PLA2G6: variants seen among roughly 807,000 people sequenced by gnomAD.
PLA2G6 encodes phospholipase A2 group VI.
In PLA2G6, 62 loss-of-function variants were observed where a neutral mutation model predicts 83.8. The observed-to-expected ratio is 0.74, with a 90% CI of 0.60 to 0.91. PLA2G6 has a LOEUF of 0.91. Ranked by LOEUF, PLA2G6 falls within the 40% of genes least tolerant of loss-of-function variation. The pLI is 0.00. For synonymous variants in PLA2G6, 417 were observed against 449.8 expected (o/e 0.93, Z 0.92); for missense variants, 944 against 1,102.0 (o/e 0.86, Z 2.03).
chr22:38,158,887 A>C (rs950071391), intron 2 of PLA2G6, among the ~76,000 whole-genome samples: 2 of 152,192 alleles, frequency 1.3e-5, no homozygotes, highest in African/African-American at 4.8e-5. Context: ...TGCCCTCATG[A>C]ATGGGATTGG....
At chr22:38,139,723 C>A in intron 5 of PLA2G6, 1 of 459,746 alleles carries the variant, frequency 2.2e-6, no homozygotes, top group South Asian at 2.3e-5. Context: ...GCGTGAGACA[C>A]CGCGCCCAGC....
chr22:38,140,608 T>C, intron 4 of PLA2G6: 1 of 210,684 alleles, frequency 4.7e-6, no homozygotes, highest in African/African-American at 2.3e-5. Context: ...CATGAAACAT[T>C]TCTGAGTCAA....
In PLA2G6 at chr22:38,115,202, T is replaced by A. The variant is rs369622244; in HGVS notation, c.2034+325A>T. Among the ~76,000 whole-genome samples the A allele has an allele frequency of 6.2e-4, 94 of 152,268 alleles. 1 individual carries two copies. In the South Asian group the frequency reaches 0.019, roughly 30 times the overall value. On this transcript the variant is annotated intron_variant, in intron 14 of 16. Transcript: ENST00000332509. ...GGACAGGCATTCCTGTGGGACTGTC[T>A]ATCCACAGAGGTGAGCTCAAGGGCA...
At chr22:38,148,462 C>T (rs1478258126) in intron 2 of PLA2G6, 2 of 714,986 alleles carry the variant, frequency 2.8e-6, no homozygotes, top group Non-Finnish European at 2.6e-6. Context: ...CTGGCAGGCA[C>T]TGGATACCTC....
intron 9 of PLA2G6, chr22:38,127,203 C>A: frequency 8.4e-7 from 1 of 1,187,552 alleles, no homozygotes. Flanking sequence ...CCGAGGGCTG[C>A]GAAGCGGTGT....
chr22:38,179,224 T>C lies in PLA2G6; in HGVS notation c.-46+2440A>G, dbSNP rs1316447887. 2.0e-5 allele frequency among the ~76,000 whole-genome samples: 3 copies of C among 152,218 alleles called. No homozygotes were observed. The East Asian group carries it at 5.8e-4, about 29-fold the overall frequency. On this transcript the variant is annotated intron_variant, in intron 1 of 16. Coordinates refer to ENST00000332509, the MANE Select transcript of PLA2G6 (RefSeq NM_003560.4). Reference sequence around the variant, plus strand: ...GTTCCAGGAAAAGCAAGGAAGCCAGTGACATCAGAGAGGCAACAGGGGGCC... The same window carrying C: ...GTTCCAGGAAAAGCAAGGAAGCCAGCGACATCAGAGAGGCAACAGGGGGCC...
At position 38,128,517 on chromosome 22, in the gene PLA2G6, G is replaced by A. The variant is rs1453043328; in HGVS notation, c.1187-87C>T. The A allele has an allele frequency of 1.8e-5, 25 of 1,420,660 alleles. No individual in the cohort carries two copies. Among genetic ancestry groups the A allele is most frequent in the East Asian group, 7.2e-5 (3 of 41,564 alleles). 88.0% of individuals were successfully genotyped at this position (1,420,660 alleles called of 1,614,324 possible). Reference sequence around the variant, plus strand: ...GAGAGGCCCCTCCTTTCCACACTCCGTCCCCTGTCCCAGCTCCCAGGCCCT... The same window carrying A: ...GAGAGGCCCCTCCTTTCCACACTCCATCCCCTGTCCCAGCTCCCAGGCCCT... On this transcript the variant is annotated intron_variant, in intron 8 of 16. Coordinates refer to ENST00000332509, the MANE Select transcript of PLA2G6 (RefSeq NM_003560.4). The surrounding 1 kb of genome is among the most constrained non-coding windows in gnomAD (Gnocchi z 4.4).
intron 12 of PLA2G6, chr22:38,116,554 C>T (rs2087208448): frequency 2.4e-6 from 1 of 411,556 alleles, no homozygotes; most frequent in South Asian, 1.9e-5. Flanking sequence ...ACACTGCAGA[C>T]GTTAGAAAAA....
chr22:38,125,439 C>T lies in PLA2G6; in HGVS notation c.1427+932G>A, dbSNP rs6001013. 2.5e-3 allele frequency among the ~76,000 whole-genome samples: 374 copies of T among 152,272 alleles called. 2 individuals carry two copies. Among genetic ancestry groups the T allele is most frequent in the African/African-American group, 8.2e-3 (341 of 41,538 alleles). ...CAACAGGGTAGCATGGAAGTGAGTG[C>T]GAAGTGAGAGGACCCACAGAGCTGC... On this transcript the variant is annotated intron_variant, in intron 10 of 16. Transcript: ENST00000332509.
Position 38,128,276 on chromosome 22 carries a change from G to GT in PLA2G6, c.1340dup (p.Asn447LysfsTer67). Reference sequence around the variant, plus strand: ...TCGGGAGGCGAGGCCTACCTAGGTTGTTTAGGCTGATCGGTGGGGGCTGAG... The same window carrying GT: ...TCGGGAGGCGAGGCCTACCTAGGTTGTTTTAGGCTGATCGGTGGGGGCTGAG... On this transcript the variant is annotated frameshift_variant, in exon 9 of 17. Coordinates refer to ENST00000332509, the MANE Select transcript of PLA2G6 (RefSeq NM_003560.4). LOFTEE classifies it high-confidence loss of function. This position sits in a 1 kb window ranked among gnomAD's most constrained non-coding sequence, Gnocchi z 4.4. 1 of 1,612,598 alleles carries GT rather than the reference G, an allele frequency of 6.2e-7. No homozygotes were observed. Among genetic ancestry groups the GT allele is most frequent in the Non-Finnish European group, 8.5e-7 (1 of 1,179,966 alleles).
chr22:38,121,104 A>G (rs746356525), intron 11 of PLA2G6, 195 bp from the exon 12 acceptor site: 40 of 584,126 alleles, frequency 6.8e-5, no homozygotes, highest in Non-Finnish European at 1.0e-4. Flanking sequence ...CCGGCTGGAC[A>G]TGGTGGCTCG....
chr22:38,136,935 T>A (rs936953194), intron 5 of PLA2G6: 1 of 152,224 alleles, frequency 6.6e-6, no homozygotes, highest in African/African-American at 2.4e-5. Context: ...GGCAATGGCA[T>A]GATCATAGCT....
At chr22:38,133,295 C>A in intron 6 of PLA2G6, 1 of 536,646 alleles carries the variant, frequency 1.9e-6, no homozygotes. Context: ...ACTCTCCTTG[C>A]AAAGGCTCCT....
At chr22:38,166,015 G>C (rs1225849904) in intron 2 of PLA2G6, among the ~76,000 whole-genome samples, 5 of 152,234 alleles carry the variant, frequency 3.3e-5, no homozygotes, top group South Asian at 2.1e-4. Context: ...AGGAGTGCAG[G>C]CCACAGCCGG....
intron 5 of PLA2G6, chr22:38,137,002 T>A (rs2088594924): frequency 6.6e-6 from 1 of 152,438 alleles, no homozygotes; most frequent in African/African-American, 2.4e-5. Flanking sequence ...CCTCCCAAAG[T>A]GCTGGGATTA....
Position 38,112,562 on chromosome 22 carries a change from C to CGTCTG in PLA2G6, c.2213_2217dup (p.Gly740GlnfsTer23). On this transcript the variant is annotated frameshift_variant, in exon 16 of 17. Transcript: ENST00000332509. LOFTEE classifies it high-confidence loss of function. ...GCCCGTGCCCGGTCCACAGCCCGCC[C>CGTCTG]GTCTGGATCCGTGCACTGGTGAGAA... is the stretch of plus-strand genomic sequence containing the variant. The CGTCTG allele has an allele frequency of 6.4e-7, 1 of 1,552,226 alleles. No individual in the cohort carries two copies. The highest frequency in any genetic ancestry group is 8.7e-7 in the Non-Finnish European group (1 of 1,148,746).
intron 6 of PLA2G6, 38 bp downstream of exon 6, chr22:38,134,950 G>C: frequency 7.5e-7 from 1 of 1,341,302 alleles, no homozygotes; most frequent in Non-Finnish European, 1.1e-6. Context: ...GCGGGGCCCG[G>C]CCCCCTGCCC....
chr22:38,121,549 C>G (rs369843564), intron 11 of PLA2G6, among the ~76,000 whole-genome samples: 3 of 152,168 alleles, frequency 2.0e-5, no homozygotes, highest in Non-Finnish European at 4.4e-5. Context: ...GCCAAGGGGC[C>G]GGCTGCACCT....
In PLA2G6 at chr22:38,148,438, T is replaced by A. The variant is rs1438074371; in HGVS notation, c.210-2785A>T. The A allele has an allele frequency of 7.0e-6, 5 of 709,594 alleles. No individual in the cohort carries two copies. In the Admixed American group the frequency reaches 1.0e-4, roughly 14 times the overall value. The allele number at this position is 709,594 out of a possible 1,614,324, so 44.0% of individuals were successfully genotyped here. A position where few individuals can be genotyped will look rare whatever the true frequency, so the allele number is the denominator to read the frequency against. On this transcript the variant is annotated intron_variant, in intron 2 of 16. Transcript: ENST00000332509. ...ACAGCCAGAAATGCTGGACAAATTATTAAAAAACATCTGCTGGCAGGCACT... is the reference window on the plus strand; with the variant it reads ...ACAGCCAGAAATGCTGGACAAATTAATAAAAAACATCTGCTGGCAGGCACT...
Sources: gnomAD v4.1 joint callset for allele counts (sites outside exome capture counted in the v4.1 genomes callset) on GRCh38, gnomAD v4.1.1 for gene constraint, Gnocchi (gnomAD v3.1) non-coding constraint, MANE v1.5 for transcripts, NCBI Gene and HGNC (gene_info 2026-07-23, HGNC 2026-07-21) for gene names.